The following CIT variants were observed in gnomAD, a reference collection of about 807,000 sequenced individuals.
The protein encoded by CIT is citron Rho-interacting kinase.
Under a neutral mutation model 272.7 loss-of-function variants are expected in CIT, and 79 were observed. The observed-to-expected ratio is 0.29, with a 90% CI of 0.24 to 0.35. The LOEUF (loss-of-function observed/expected upper bound fraction) is 0.35. CIT is among the 10% of genes least tolerant of loss of function. The probability of loss-of-function intolerance (pLI) is 1.00; values close to 1 mark genes in which losing one functional copy is unlikely to be tolerated. For synonymous variants in CIT, 948 were observed against 995.6 expected (o/e 0.95, Z 0.90); for missense variants, 1,909 against 2,618.3 (o/e 0.73, Z 5.91).
chr12:119,874,145 A>T (rs1254679555), intron 2 of CIT, among the ~76,000 whole-genome samples: 2 of 151,966 alleles, frequency 1.3e-5, no homozygotes, highest in Non-Finnish European at 2.9e-5. Context: ...TCGGCTCACG[A>T]CAACCTCCGC....
chr12:119,708,194 C>T lies in CIT; in HGVS notation c.5196G>A (p.Leu1732=). The change falls in exon 40 of 48, where the codon TTG becomes TTA. Residue 1732 remains leucine (L), a synonymous_variant. Coordinates refer to ENST00000392521, the MANE Select transcript of CIT (RefSeq NM_001206999.2). ...GGGAGCTTACCTTGCCTGCCCCAAACAAGTGGCAGCCCTTGACAGCTTCAA... is the reference window on the plus strand; with the variant it reads ...GGGAGCTTACCTTGCCTGCCCCAAATAAGTGGCAGCCCTTGACAGCTTCAA... ...NIFEAVKGCH[L]FGAGKIENGL... is the part of the protein sequence containing the mutation. 1 of 1,586,078 alleles carries T rather than the reference C, an allele frequency of 6.3e-7. No individual in the cohort carries two copies. The highest frequency in any genetic ancestry group is 1.4e-5 in the African/African-American group (1 of 73,530).
At chr12:119,836,274 A>C (rs529984651) in intron 5 of CIT, among the ~76,000 whole-genome samples, 1 of 131,038 alleles carries the variant, frequency 7.6e-6, no homozygotes, top group East Asian at 2.4e-4. Context: ...CAACAGAGCG[A>C]GACTCCATCT....
chr12:119,808,219 C>T (rs1035499643), intron 9 of CIT, among the ~76,000 whole-genome samples: 46 of 151,910 alleles, frequency 3.0e-4, no homozygotes, highest in Admixed American at 5.9e-4. Flanking sequence ...CGAAAAAAAA[C>T]AAGGAAAGAA....
At chr12:119,769,734 C>G (rs1962875968) in intron 18 of CIT, among the ~76,000 whole-genome samples, 1 of 152,166 alleles carries the variant, frequency 6.6e-6, no homozygotes, top group African/African-American at 2.4e-5. Flanking sequence ...GACTGGGTGT[C>G]TTAGCAAAAC....
intron 9 of CIT, among the ~76,000 whole-genome samples, chr12:119,816,647 C>T (rs541734989): frequency 3.9e-5 from 6 of 152,198 alleles, no homozygotes; most frequent in Non-Finnish European, 5.9e-5. Context: ...TGCCGGTCCA[C>T]GGACCACACT....
intron 40 of CIT, among the ~76,000 whole-genome samples, chr12:119,705,524 C>T (rs1956824249): frequency 2.6e-5 from 4 of 152,040 alleles, no homozygotes; most frequent in South Asian, 4.1e-4. Flanking sequence ...ATGCTTACGA[C>T]ATTATTAGGC....
intron 15 of CIT, 92 bp downstream of exon 15, chr12:119,776,266 A>G: frequency 5.6e-5 from 53 of 947,078 alleles, no homozygotes; most frequent in Non-Finnish European, 8.2e-5. Flanking sequence ...TTGATGAAGA[A>G]TACTCTTCAT....
At chr12:119,776,980 T>G (rs998642143) in intron 13 of CIT, 138 bp from the exon 14 acceptor site, 139 of 929,024 alleles carry the variant, frequency 1.5e-4, no homozygotes, top group Non-Finnish European at 3.1e-5. Context: ...CCTGGCCAGG[T>G]GCAGTGGCTC....
chr12:119,821,612 A>T (rs947160566), intron 9 of CIT, among the ~76,000 whole-genome samples: 1 of 152,110 alleles, frequency 6.6e-6, no homozygotes, highest in African/African-American at 2.4e-5. Context: ...GTTCATGAAT[A>T]AAAAAAATTA....
chr12:119,846,903 AAG>A (rs1232625740), intron 5 of CIT, among the ~76,000 whole-genome samples: 1 of 151,956 alleles, frequency 6.6e-6, no homozygotes, highest in Non-Finnish European at 1.5e-5. Context: ...AAAAAAAAGA[AAG>A]AAAAAAATAC....
At chr12:119,726,534 C>G (rs1053035881) in intron 28 of CIT, among the ~76,000 whole-genome samples, 1 of 151,740 alleles carries the variant, frequency 6.6e-6, no homozygotes, top group Admixed American at 6.6e-5. Flanking sequence ...TTATACTCAC[C>G]CGCAAAAATG....
Position 119,688,209 on chromosome 12 carries a change from G to A in CIT, c.*23C>T, listed in dbSNP as rs771682584. 1.9e-5 allele frequency: 30 copies of A among 1,610,370 alleles called. No individual in the cohort carries two copies. The South Asian group carries it at 2.3e-4, about 12-fold the overall frequency. ...GTGTTTTCCTGCAGATCAAGATGAG[G>A]AGTTGGTTTTTCTGGCTGAGATTTA... On this transcript the variant is annotated 3_prime_UTR_variant, in exon 48 of 48. Transcript: ENST00000392521.
chr12:119,799,380 G>A (rs368391760), intron 10 of CIT, among the ~76,000 whole-genome samples: 4 of 152,100 alleles, frequency 2.6e-5, no homozygotes, highest in East Asian at 1.9e-4. Context: ...CTTCCACTTC[G>A]CAGTTGAAGA....
At chr12:119,858,364 A>G (rs1950230866) in intron 3 of CIT, among the ~76,000 whole-genome samples, 1 of 151,988 alleles carries the variant, frequency 6.6e-6, no homozygotes, top group African/African-American at 2.4e-5. Flanking sequence ...TAAAAATACA[A>G]AAATTAGCCA....
chr12:119,711,114 A>T, intron 37 of CIT: 2 of 1,366,466 alleles, frequency 1.5e-6, no homozygotes, highest in Non-Finnish European at 2.0e-6. Flanking sequence ...CATATTAACA[A>T]GGATTTCAGT....
intron 23 of CIT, among the ~76,000 whole-genome samples, chr12:119,747,661 A>G (rs1419237515): frequency 6.6e-6 from 1 of 152,012 alleles, no homozygotes; most frequent in Non-Finnish European, 1.5e-5. Context: ...TGGAAGTTGC[A>G]GTGAGCCGAG....
chr12:119,694,282 A>C lies in CIT; in HGVS notation c.5882+3377T>G, dbSNP rs927907224. ...CTACAGATAGATTCCTCAGCATGTA[A>C]AATGACGTAAGGAGAAAGTCATTTA... On this transcript the variant is annotated intron_variant, in intron 46 of 47. Coordinates refer to ENST00000392521, the MANE Select transcript of CIT (RefSeq NM_001206999.2). The surrounding 1 kb of genome is among the most constrained non-coding windows in gnomAD (Gnocchi z 4.5). Among the ~76,000 whole-genome samples, 25 of 152,202 alleles carry C rather than the reference A, an allele frequency of 1.6e-4. No homozygotes were observed. Among genetic ancestry groups the C allele is most frequent in the African/African-American group, 5.8e-4 (24 of 41,452 alleles).
chr12:119,807,972 C>T (rs1454262824), intron 9 of CIT, among the ~76,000 whole-genome samples: 1 of 151,834 alleles, frequency 6.6e-6, no homozygotes, highest in Non-Finnish European at 1.5e-5. Flanking sequence ...AACATCAGAA[C>T]ACAGTCTCCT....
At chr12:119,750,119 GTC>G (rs1335866442) in intron 23 of CIT, among the ~76,000 whole-genome samples, 1 of 152,232 alleles carries the variant, frequency 6.6e-6, no homozygotes, top group African/African-American at 2.4e-5. Context: ...AATTGCTGAT[GTC>G]TCTTTTTCTT....
Sources: gnomAD v4.1 joint callset for allele counts (sites outside exome capture counted in the v4.1 genomes callset) on GRCh38, gnomAD v4.1.1 for gene constraint, Gnocchi (gnomAD v3.1) non-coding constraint, MANE v1.5 for transcripts, NCBI Gene and HGNC (gene_info 2026-07-23, HGNC 2026-07-21) for gene names.